The following AGBL1 variants were observed in gnomAD, a reference collection of about 807,000 sequenced individuals.
AGBL1 encodes AGBL carboxypeptidase 1.
Under a neutral mutation model 118.9 loss-of-function variants are expected in AGBL1, and 130 were observed. That is an observed-to-expected ratio of 1.09 (90% confidence interval 0.95 to 1.26). The LOEUF (loss-of-function observed/expected upper bound fraction) is 1.26, where lower values mean the gene tolerates loss of function less well. AGBL1 is among the 50% of genes most tolerant of loss of function. The pLI, the probability that AGBL1 is intolerant of heterozygous loss-of-function variation, is 0.00. For missense variants in AGBL1, 1,584 were observed against 1,298.1 expected (o/e 1.22, Z -3.38); for synonymous variants, 555 against 478.9 (o/e 1.16, Z -2.08).
At chr15:86,159,523 G>A (rs1276421818) in intron 5 of AGBL1, among the ~76,000 whole-genome samples, 1 of 152,068 alleles carries the variant, frequency 6.6e-6, no homozygotes, top group African/African-American at 2.4e-5. Context: ...GTCCATCATG[G>A]TCATGTGCTA....
Position 86,171,459 on chromosome 15 carries a change from C to T in AGBL1, c.488+12433C>T, listed in dbSNP as rs142613438. ...AATGTAGACTATGATAATTTGAAAA[C>T]GTACACTAAAGCAACCACTAAAACA... On this transcript the variant is annotated intron_variant, in intron 5 of 22. Coordinates refer to ENST00000614907, the MANE Select transcript of AGBL1 (RefSeq NM_001386094.1). Among the ~76,000 whole-genome samples, 191 of 152,122 alleles carry T rather than the reference C, an allele frequency of 1.3e-3. 1 individual carries two copies. The highest frequency in any genetic ancestry group is 1.3e-3 in the Non-Finnish European group (86 of 67,986).
Position 86,524,309 on chromosome 15 carries a change from A to G in AGBL1, c.2685+1370A>G, listed in dbSNP as rs921565279. ...GCAGGCTCAGTGATTCCTTAGAAGG[A>G]CTCACAGGACTCAGAATAGCAGTTA... On this transcript the variant is annotated intron_variant, in intron 19 of 22. Coordinates refer to ENST00000614907, the MANE Select transcript of AGBL1 (RefSeq NM_001386094.1). Among the ~76,000 whole-genome samples, 4 of 152,252 alleles carry G rather than the reference A, an allele frequency of 2.6e-5. No individual in the cohort carries two copies. In the East Asian group the frequency reaches 7.7e-4, roughly 29 times the overall value.
intron 22 of AGBL1, among the ~76,000 whole-genome samples, chr15:86,790,420 A>T (rs997236826): frequency 6.6e-6 from 1 of 152,010 alleles, no homozygotes; most frequent in Non-Finnish European, 1.5e-5. Context: ...TTTTAAAAAA[A>T]CTTTCTCTCC....
intron 21 of AGBL1, among the ~76,000 whole-genome samples, chr15:86,645,720 A>T (rs2085266658): frequency 6.6e-6 from 1 of 152,214 alleles, no homozygotes; most frequent in Admixed American, 6.5e-5. Flanking sequence ...AGAAATGTCA[A>T]GGAGGTCAAG....
At chr15:86,324,381 T>A (rs1283141272) in intron 17 of AGBL1, among the ~76,000 whole-genome samples, 1 of 152,150 alleles carries the variant, frequency 6.6e-6, no homozygotes, top group Non-Finnish European at 1.5e-5. Flanking sequence ...GGGGTAGGTG[T>A]TTCCCATTAT....
chr15:86,956,319 T>C (rs1344249047), intron 23 of AGBL1, among the ~76,000 whole-genome samples: 2 of 146,864 alleles, frequency 1.4e-5, no homozygotes, highest in Non-Finnish European at 2.9e-5. Flanking sequence ...AGGTAGATGA[T>C]AGATAGATGG....
rs2083466976 is a variant in AGBL1 at position 86,539,518 on chromosome 15, G to A, written c.2686-6484G>A. Among the ~76,000 whole-genome samples, 4 of 151,998 alleles carry A rather than the reference G, an allele frequency of 2.6e-5. 1 individual carries two copies. The South Asian group carries it at 8.3e-4, about 32-fold the overall frequency. On this transcript the variant is annotated intron_variant, in intron 19 of 22. Transcript: ENST00000614907. The stretch of plus-strand genomic sequence containing the variant: ...TTGCTCCTTCTTGCTTAGTTTAAAG[G>A]CTCCTTCACCACCTTCAAGAAAATG...
chr15:86,747,013 C>T (rs573760027), intron 22 of AGBL1, among the ~76,000 whole-genome samples: 3 of 152,134 alleles, frequency 2.0e-5, no homozygotes, highest in Admixed American at 6.6e-5. Flanking sequence ...GTGGCATGCT[C>T]ATTTCCATAA....
At chr15:86,827,431 A>G (rs1349178564) in intron 22 of AGBL1, among the ~76,000 whole-genome samples, 3 of 10,410 alleles carry the variant, frequency 2.9e-4, no homozygotes, top group Non-Finnish European at 5.7e-4. Flanking sequence ...ATATATATAC[A>G]CATATATATA....
At chr15:86,202,918 T>C (rs2077930525) in intron 5 of AGBL1, among the ~76,000 whole-genome samples, 1 of 152,080 alleles carries the variant, frequency 6.6e-6, no homozygotes, top group Admixed American at 6.6e-5. Context: ...CACAAATTAC[T>C]ATTTAATAAT....
intron 22 of AGBL1, among the ~76,000 whole-genome samples, chr15:86,724,032 G>A (rs950719519): frequency 9.2e-5 from 14 of 152,006 alleles, no homozygotes; most frequent in Non-Finnish European, 1.6e-4. Context: ...TCAGGAGATC[G>A]AGACCATCCT....
intron 17 of AGBL1, among the ~76,000 whole-genome samples, chr15:86,316,168 A>G (rs551981783): frequency 1.3e-5 from 2 of 152,322 alleles, no homozygotes; most frequent in African/African-American, 4.8e-5. Context: ...ACAGGGTCCC[A>G]TGACAGTAGT....
chr15:86,398,189 T>C (rs1223857510), intron 18 of AGBL1, among the ~76,000 whole-genome samples: 1 of 152,116 alleles, frequency 6.6e-6, no homozygotes. Context: ...CTTCGAAATA[T>C]ATGATGGGAA....
chr15:86,980,081 C>A (rs959401861), intron 23 of AGBL1, among the ~76,000 whole-genome samples: 1 of 152,150 alleles, frequency 6.6e-6, no homozygotes, highest in Admixed American at 6.5e-5. Flanking sequence ...AAAGAAAAAA[C>A]CTTTGTCATC....
At chr15:86,722,072 C>T (rs1274304073) in intron 22 of AGBL1, among the ~76,000 whole-genome samples, 1 of 151,996 alleles carries the variant, frequency 6.6e-6, no homozygotes, top group Non-Finnish European at 1.5e-5. Flanking sequence ...GTGAAAATGG[C>T]CATACTGCCC....
intron 1 of AGBL1, among the ~76,000 whole-genome samples, chr15:86,112,989 T>G (rs2141547537): frequency 6.6e-6 from 1 of 152,290 alleles, no homozygotes; most frequent in Non-Finnish European, 1.5e-5. Context: ...AAAAGCATTG[T>G]CTTTTGTTCT....
At chr15:86,185,611 A>G (rs963314964) in intron 5 of AGBL1, among the ~76,000 whole-genome samples, 4 of 152,182 alleles carry the variant, frequency 2.6e-5, no homozygotes, top group Non-Finnish European at 4.4e-5. Flanking sequence ...TTGTAAGGAC[A>G]TGGATGAAGC....
At chr15:86,593,829 A>G (rs2084370838) in intron 21 of AGBL1, among the ~76,000 whole-genome samples, 1 of 152,142 alleles carries the variant, frequency 6.6e-6, no homozygotes, top group Admixed American at 6.5e-5. Flanking sequence ...TCATTTCTAG[A>G]ATTTCATATA....
chr15:87,017,928 G>C (rs1223159319), intron 24 of AGBL1, among the ~76,000 whole-genome samples: 1 of 152,130 alleles, frequency 6.6e-6, no homozygotes, highest in African/African-American at 2.4e-5. Context: ...TGATAGCCAG[G>C]ACAGCCAGTT....
Sources: allele counts gnomAD v4.1 joint callset (sites outside exome capture counted in the v4.1 genomes callset), GRCh38; gene constraint gnomAD v4.1.1; transcripts MANE v1.5; gene names NCBI Gene and HGNC (gene_info 2026-07-23, HGNC 2026-07-21).